Variants in FGGY observed in about 807,000 individuals in gnomAD.
FGGY encodes FGGY carbohydrate kinase domain-containing protein.
FGGY carries 72 observed loss-of-function variants against 71.3 expected under a neutral mutation model. The ratio of observed to expected loss-of-function variants is 1.01; its 90% confidence interval spans 0.84 to 1.23. The LOEUF is 1.23. Ranked by LOEUF, FGGY falls within the 50% of genes most tolerant of loss-of-function variation. The probability of loss-of-function intolerance (pLI) is 0.00; values close to 1 mark genes in which losing one functional copy is unlikely to be tolerated. For synonymous variants in FGGY, 251 were observed against 250.3 expected (o/e 1.00, Z -0.02); for missense variants, 668 against 682.3 (o/e 0.98, Z 0.23).
chr1:59,593,892 C>T (rs1020587892), intron 8 of FGGY, among the ~76,000 whole-genome samples: 2 of 152,116 alleles, frequency 1.3e-5, no homozygotes, highest in African/African-American at 4.8e-5. Context: ...CCCAAGAGCC[C>T]CAGATAATTC....
chr1:59,441,096 A>G (rs573418080), intron 5 of FGGY, among the ~76,000 whole-genome samples: 1 of 152,138 alleles, frequency 6.6e-6, no homozygotes, highest in African/African-American at 2.4e-5. Context: ...ATGTACCCAC[A>G]TTTAAAACTT....
Position 59,351,179 on chromosome 1 carries a change from C to T in FGGY, c.465+4781C>T, listed in dbSNP as rs1305369373. 2.0e-5 allele frequency among the ~76,000 whole-genome samples: 3 copies of T among 152,214 alleles called. No homozygotes were observed. In the East Asian group the frequency reaches 5.8e-4, roughly 29 times the overall value. On this transcript the variant is annotated intron_variant, in intron 4 of 15. Transcript: ENST00000303721. ...TTTATGTGTTGTTTATGTCTGTTTTCACACTACAGTGACAGCTGAGTAGTT... is the reference window on the plus strand; with the variant it reads ...TTTATGTGTTGTTTATGTCTGTTTTTACACTACAGTGACAGCTGAGTAGTT...
intron 4 of FGGY, among the ~76,000 whole-genome samples, chr1:59,350,348 G>C (rs2053018521): frequency 6.6e-6 from 1 of 152,128 alleles, no homozygotes; most frequent in African/African-American, 2.4e-5. Context: ...CATGAAAACA[G>C]AGCCATCAAA....
In FGGY at chr1:59,423,672, A is replaced by C. The variant is rs140546738; in HGVS notation, c.555-33289A>C. 5.8e-4 allele frequency among the ~76,000 whole-genome samples: 88 copies of C among 152,256 alleles called. No individual in the cohort carries two copies. The Middle Eastern group carries it at 0.014, about 24-fold the overall frequency. On this transcript the variant is annotated intron_variant, in intron 5 of 15. Transcript: ENST00000303721. ...TGCTGAGTCTCTGAGCATAGCACTG[A>C]ATACCCTTCCTGGTCTGGCCCTGTT...
At chr1:59,340,990 CAT>C (rs1401452678) in intron 3 of FGGY, among the ~76,000 whole-genome samples, 2 of 152,166 alleles carry the variant, frequency 1.3e-5, no homozygotes, top group Admixed American at 1.3e-4. Flanking sequence ...CCATTGCAAA[CAT>C]ATTTGGGGCT....
intron 5 of FGGY, among the ~76,000 whole-genome samples, chr1:59,390,446 T>C (rs2060561947): frequency 6.6e-6 from 1 of 152,164 alleles, no homozygotes; most frequent in South Asian, 2.1e-4. Flanking sequence ...GGTTGAAGTT[T>C]CCATTATCAA....
rs182414295 is a variant in FGGY, at chr1:59,464,664, T to A, written c.670+7588T>A. On this transcript the variant is annotated intron_variant, in intron 6 of 15. Coordinates refer to ENST00000303721, the MANE Select transcript of FGGY (RefSeq NM_018291.5). The stretch of plus-strand genomic sequence containing the variant: ...AGAAGACAGAGAAGAATCAAATAGA[T>A]GCAATAAAAAATAATATAGGAGATA... Among the ~76,000 whole-genome samples, 3 of 151,800 alleles carry A rather than the reference T, an allele frequency of 2.0e-5. No individual in the cohort carries two copies. The East Asian group carries it at 5.8e-4, about 29-fold the overall frequency.
At chr1:59,741,365 G>A (rs1254780001) in intron 14 of FGGY, among the ~76,000 whole-genome samples, 1 of 152,114 alleles carries the variant, frequency 6.6e-6, no homozygotes, top group African/African-American at 2.4e-5. Flanking sequence ...TTAAAGGTGT[G>A]TAGTACCTCC....
chr1:59,533,209 C>G (rs1052255182), intron 7 of FGGY, among the ~76,000 whole-genome samples: 17 of 151,944 alleles, frequency 1.1e-4, no homozygotes, highest in African/African-American at 3.4e-4. Flanking sequence ...TGCAAGGGGT[C>G]AGGGAGTTCC....
At chr1:59,587,175 C>T (rs553659020) in intron 8 of FGGY, among the ~76,000 whole-genome samples, 5 of 152,332 alleles carry the variant, frequency 3.3e-5, no homozygotes, top group South Asian at 2.1e-4. Flanking sequence ...CCTGCACCCA[C>T]GGAGTCTCAC....
chr1:59,386,096 C>T (rs1418830485), intron 5 of FGGY, among the ~76,000 whole-genome samples: 1 of 152,076 alleles, frequency 6.6e-6, no homozygotes, highest in Non-Finnish European at 1.5e-5. Context: ...TCCAGTTTCT[C>T]CCATTAATAT....
chr1:59,729,017 A>T (rs74371420), intron 14 of FGGY, among the ~76,000 whole-genome samples: 4 of 151,930 alleles, frequency 2.6e-5, no homozygotes, highest in African/African-American at 4.8e-5. Context: ...AACCATGCAT[A>T]TGTTATACGT....
At chr1:59,653,756 T>C (rs1246875618) in intron 11 of FGGY, among the ~76,000 whole-genome samples, 4 of 152,246 alleles carry the variant, frequency 2.6e-5, no homozygotes, top group Non-Finnish European at 5.9e-5. Flanking sequence ...GCTGTTCCTA[T>C]TCGGCCATCT....
At chr1:59,744,726 A>G (rs537552678) in intron 14 of FGGY, among the ~76,000 whole-genome samples, 1 of 152,332 alleles carries the variant, frequency 6.6e-6, no homozygotes, top group African/African-American at 2.4e-5. Context: ...TAATTCATTA[A>G]TCCATTTACT....
At chr1:59,362,722 A>C (rs1211631541) in intron 4 of FGGY, among the ~76,000 whole-genome samples, 3 of 152,192 alleles carry the variant, frequency 2.0e-5, no homozygotes, top group Non-Finnish European at 4.4e-5. Flanking sequence ...CTTCATGATC[A>C]TACAGAATCC....
chr1:59,720,334 A>T (rs1409384268), intron 14 of FGGY, among the ~76,000 whole-genome samples: 1 of 152,248 alleles, frequency 6.6e-6, no homozygotes, highest in Non-Finnish European at 1.5e-5. Context: ...TCAGGGGGAA[A>T]AAAAGGTCCT....
chr1:59,569,292 T>C (rs1047601625), intron 8 of FGGY, among the ~76,000 whole-genome samples: 3 of 152,128 alleles, frequency 2.0e-5, no homozygotes, highest in East Asian at 3.8e-4. Flanking sequence ...CAAAAGGTAA[T>C]GATCCTAATA....
At chr1:59,718,766 G>C (rs1385362948) in intron 14 of FGGY, among the ~76,000 whole-genome samples, 1 of 152,106 alleles carries the variant, frequency 6.6e-6, no homozygotes, top group Non-Finnish European at 1.5e-5. Context: ...GTATACCATG[G>C]GGTCAGAGAC....
intron 12 of FGGY, among the ~76,000 whole-genome samples, chr1:59,661,665 A>G (rs1477537097): frequency 1.3e-5 from 2 of 152,106 alleles, no homozygotes; most frequent in Non-Finnish European, 2.9e-5. Flanking sequence ...GATGATTATG[A>G]TGATAATAAT....
Sources: allele counts gnomAD v4.1 joint callset (sites outside exome capture counted in the v4.1 genomes callset), GRCh38; gene constraint gnomAD v4.1.1; transcripts MANE v1.5; gene names NCBI Gene and HGNC (gene_info 2026-07-23, HGNC 2026-07-21).